IL7: variants seen among roughly 807,000 people sequenced by gnomAD.
IL7 encodes interleukin 7, also known as interleukin-7.
In IL7, 3 loss-of-function variants were observed where a neutral mutation model predicts 21.6. The observed-to-expected ratio is 0.14, with a 90% CI of 0.06 to 0.36. The LOEUF is 0.36. Among genes scored for constraint, IL7 ranks in the 10% least tolerant of loss-of-function variants. IL7 has a pLI of 1.00. For synonymous variants in IL7, 62 were observed against 68.1 expected, an observed-to-expected ratio of 0.91 and a Z score of 0.44; for missense variants, 175 against 200.2, an observed-to-expected ratio of 0.87 and a Z score of 0.76.
intron 1 of IL7, among the ~76,000 whole-genome samples, chr8:78,799,477 G>T (rs1813977719): frequency 6.6e-6 from 1 of 152,038 alleles, no homozygotes; most frequent in Non-Finnish European, 1.5e-5. Context: ...AACATAGTAA[G>T]AGAAACAAAA....
Position 78,800,274 on chromosome 8 carries a change from G to T in IL7, c.11-2066C>A, listed in dbSNP as rs147038056. Among the ~76,000 whole-genome samples the T allele has an allele frequency of 6.7e-4, 102 of 152,234 alleles. No homozygotes were observed. The East Asian group carries it at 0.019, about 28-fold the overall frequency. ...TCTTATGGCTGAGTAGTATTCCATG[G>T]TATACATATACCACATTTTCTTTTT... On this transcript the variant is annotated intron_variant, in intron 1 of 5. Coordinates refer to ENST00000263851, the MANE Select transcript of IL7 (RefSeq NM_000880.4).
intron 2 of IL7, among the ~76,000 whole-genome samples, chr8:78,752,552 C>T (rs958304168): frequency 1.3e-5 from 2 of 152,022 alleles, no homozygotes; most frequent in African/African-American, 4.8e-5. Flanking sequence ...TACTTATTGG[C>T]CATTTGTATG....
chr8:78,749,442 G>T (rs1172890888), intron 2 of IL7, among the ~76,000 whole-genome samples: 1 of 152,010 alleles, frequency 6.6e-6, no homozygotes, highest in Non-Finnish European at 1.5e-5. Flanking sequence ...GAGAAGTGAG[G>T]TCACAGGGCA....
At chr8:78,740,176 T>A in intron 2 of IL7, 94 bp from the exon 3 acceptor site, 6 of 715,292 alleles carry the variant, frequency 8.4e-6, no homozygotes, top group Non-Finnish European at 1.2e-5. Flanking sequence ...ATATCTGATA[T>A]TTATATGTGC....
intron 2 of IL7, among the ~76,000 whole-genome samples, chr8:78,764,608 G>A (rs552944030): frequency 6.6e-6 from 1 of 151,860 alleles, no homozygotes; most frequent in African/African-American, 2.4e-5. Context: ...AAATGCTTAA[G>A]TGTAAATCTA....
At chr8:78,697,941 G>A (rs1311866663) in intron 3 of IL7, among the ~76,000 whole-genome samples, 2 of 152,112 alleles carry the variant, frequency 1.3e-5, no homozygotes, top group Non-Finnish European at 2.9e-5. Context: ...GCCTCCTAAA[G>A]TGCTGAGATT....
downstream of IL7, among the ~76,000 whole-genome samples, chr8:78,728,480 T>A (rs963705361): frequency 6.6e-6 from 1 of 152,032 alleles, no homozygotes; most frequent in African/African-American, 2.4e-5. Context: ...ATAAATATAG[T>A]CTACCAAAAT....
intron 2 of IL7, chr8:78,761,622 C>A (rs1812559457): frequency 6.2e-7 from 1 of 1,611,860 alleles, no homozygotes; most frequent in Admixed American, 1.7e-5. Context: ...CCTGCTATGT[C>A]CACTACATCG....
chr8:78,763,472 C>T (rs1236772117), intron 2 of IL7, among the ~76,000 whole-genome samples: 1 of 151,930 alleles, frequency 6.6e-6, no homozygotes, highest in African/African-American at 2.4e-5. Flanking sequence ...GAAAATTGTT[C>T]ATATAAAAAT....
chr8:78,774,866 C>A (rs925243110), intron 2 of IL7, among the ~76,000 whole-genome samples: 16 of 151,962 alleles, frequency 1.1e-4, no homozygotes, highest in Non-Finnish European at 1.5e-4. Context: ...TGTGAGTTTT[C>A]ATTTGTGAAA....
At chr8:78,708,819 A>G (rs1172085124) in intron 3 of IL7, among the ~76,000 whole-genome samples, 9 of 151,830 alleles carry the variant, frequency 5.9e-5, no homozygotes, top group Admixed American at 5.9e-4. Flanking sequence ...TAGCTGGGAC[A>G]GGTGTGTGCT....
chr8:78,737,578 A>G (rs1811635223), intron 4 of IL7, among the ~76,000 whole-genome samples: 1 of 152,168 alleles, frequency 6.6e-6, no homozygotes. Context: ...ACATAAAGCA[A>G]TGATAAATGA....
intron 3 of IL7, among the ~76,000 whole-genome samples, chr8:78,703,397 G>A (rs539173453): frequency 3.3e-4 from 51 of 152,240 alleles, no homozygotes; most frequent in African/African-American, 1.2e-3. Flanking sequence ...CACTATTATC[G>A]TGTGAGAGTC....
chr8:78,780,520 T>C (rs904031657), intron 2 of IL7, among the ~76,000 whole-genome samples: 1 of 152,206 alleles, frequency 6.6e-6, no homozygotes, highest in Non-Finnish European at 1.5e-5. Flanking sequence ...GGTTGTTCAA[T>C]TTCCATGTAA....
At chr8:78,711,682 AT>A (rs558105997) in intron 3 of IL7, among the ~76,000 whole-genome samples, 12 of 150,166 alleles carry the variant, frequency 8.0e-5, no homozygotes, top group South Asian at 2.1e-4. Context: ...TAGCTTCATG[AT>A]TTTTTTTTTG....
chr8:78,728,270 T>TAG (rs1811368529), downstream of IL7, among the ~76,000 whole-genome samples: 1 of 151,960 alleles, frequency 6.6e-6, no homozygotes, highest in Non-Finnish European at 1.5e-5. Context: ...ACTGATTTGA[T>TAG]AGACTGATTC....
At chr8:78,749,091 G>A (rs1812078926) in intron 2 of IL7, among the ~76,000 whole-genome samples, 1 of 152,178 alleles carries the variant, frequency 6.6e-6, no homozygotes, top group Non-Finnish European at 1.5e-5. Context: ...CTTTCTGGAT[G>A]ATCAATAGTT....
chr8:78,790,405 C>G (rs1334747962), intron 2 of IL7, among the ~76,000 whole-genome samples: 1 of 151,824 alleles, frequency 6.6e-6, no homozygotes, highest in Non-Finnish European at 1.5e-5. Context: ...TAACAAATTT[C>G]CAAAGAACAT....
chr8:78,751,392 CTG>C (rs1300885034), intron 2 of IL7, among the ~76,000 whole-genome samples: 1 of 152,164 alleles, frequency 6.6e-6, no homozygotes, highest in Admixed American at 6.5e-5. Context: ...ATTATGTACT[CTG>C]TGAATTTAGC....
Sources: gnomAD v4.1 joint callset for allele counts (sites outside exome capture counted in the v4.1 genomes callset) on GRCh38, gnomAD v4.1.1 for gene constraint, MANE v1.5 for transcripts, NCBI Gene and HGNC (gene_info 2026-07-23, HGNC 2026-07-21) for gene names.